Variants in NFIB observed in about 807,000 individuals in gnomAD.
NFIB encodes the protein nuclear factor 1 B-type.
In NFIB, 11 loss-of-function variants were observed where a neutral mutation model predicts 61.5. The ratio of observed to expected loss-of-function variants is 0.18; its 90% CI spans 0.11 to 0.30. NFIB has a LOEUF of 0.30. Among genes scored for constraint, NFIB ranks in the 10% least tolerant of loss-of-function variants. The probability of loss-of-function intolerance (pLI) is 1.00; values close to 1 mark genes in which losing one functional copy is unlikely to be tolerated. For missense variants in NFIB, 471 were observed against 608.9 expected (o/e 0.77, Z 2.38); for synonymous variants, 260 against 216.5 (o/e 1.20, Z -1.76).
At chr9:14,284,666 G>A (rs1464049549) in intron 2 of NFIB, among the ~76,000 whole-genome samples, 1 of 152,096 alleles carries the variant, frequency 6.6e-6, no homozygotes, top group African/African-American at 2.4e-5. Context: ...AGAGCCCAGA[G>A]TCCATTTACT....
the NFIB span, among the ~76,000 whole-genome samples, chr9:14,492,312 G>C: frequency 2.3e-3 from 353 of 151,978 alleles, no homozygotes; most frequent in African/African-American, 8.1e-3. Context: ...GCAGTGAGCC[G>C]AGATCACGCC....
chr9:14,485,522 T>C, the NFIB span, among the ~76,000 whole-genome samples: 3 of 152,218 alleles, frequency 2.0e-5, no homozygotes, highest in African/African-American at 7.2e-5. Context: ...TCAATAAACA[T>C]TATGAGTCTA....
the NFIB span, among the ~76,000 whole-genome samples, chr9:14,449,128 T>C: frequency 6.6e-6 from 1 of 152,242 alleles, no homozygotes; most frequent in Non-Finnish European, 1.5e-5. Flanking sequence ...GATATTTGTA[T>C]ATAATACTGT....
At chr9:14,320,986 CA>C (rs1459754783) in intron 1 of NFIB, among the ~76,000 whole-genome samples, 2 of 152,026 alleles carry the variant, frequency 1.3e-5, no homozygotes, top group Non-Finnish European at 2.9e-5. Context: ...GTCTCAAGTT[CA>C]GTGGCAGTTC....
At chr9:14,400,204 A>T (rs886716018), upstream of NFIB, among the ~76,000 whole-genome samples, 1 of 152,180 alleles carries the variant, frequency 6.6e-6, no homozygotes, top group Non-Finnish European at 1.5e-5. Context: ...AAATTACTTA[A>T]TCTTTAAACA....
chr9:14,189,770 C>G (rs536766881), intron 2 of NFIB, among the ~76,000 whole-genome samples: 6 of 149,802 alleles, frequency 4.0e-5, no homozygotes, highest in African/African-American at 1.5e-4. Context: ...CTGGCACATA[C>G]TAGATGCTCA....
At chr9:14,144,308 C>T (rs945076812) in intron 6 of NFIB, among the ~76,000 whole-genome samples, 2 of 152,132 alleles carry the variant, frequency 1.3e-5, no homozygotes, top group Admixed American at 1.3e-4. Flanking sequence ...TTCTGAATAA[C>T]GCATCCATTC....
upstream of NFIB, among the ~76,000 whole-genome samples, chr9:14,314,929 G>A (rs902720456): frequency 1.3e-5 from 2 of 151,822 alleles, no homozygotes; most frequent in African/African-American, 4.8e-5. Context: ...GGGAACATCC[G>A]AGTGGGAGAA....
At position 14,314,086 on chromosome 9, in the gene NFIB, G is replaced by C; in HGVS notation, c.-575C>G. On this transcript the variant is annotated 5_prime_UTR_variant, in exon 1 of 11. Coordinates refer to ENST00000380953, the MANE Select transcript of NFIB (RefSeq NM_001190737.2). ...GGATCCCGGAGTGGTGATCGCAGGCGAAACTTTGCCGCGAGCCGACCATGT... is the reference window on the plus strand; with the variant it reads ...GGATCCCGGAGTGGTGATCGCAGGCCAAACTTTGCCGCGAGCCGACCATGT... 1 of 1,048,604 alleles carries C rather than the reference G, an allele frequency of 9.5e-7. No individual in the cohort carries two copies. The highest frequency in any genetic ancestry group is 1.2e-6 in the Non-Finnish European group (1 of 869,350). 65.0% of individuals were successfully genotyped at this position (1,048,604 alleles called of 1,614,324 possible).
At chr9:14,315,740 C>G (rs550574970), upstream of NFIB, among the ~76,000 whole-genome samples, 1 of 151,852 alleles carries the variant, frequency 6.6e-6, no homozygotes, top group Admixed American at 6.6e-5. Context: ...CTGCACCCCC[C>G]GCCCACATAC....
intron 1 of NFIB, among the ~76,000 whole-genome samples, chr9:14,375,593 G>A (rs563215468): frequency 2.1e-3 from 319 of 152,226 alleles, no homozygotes; most frequent in African/African-American, 7.1e-3. Flanking sequence ...GGAAGGTGGA[G>A]GTTGCAGTGA....
At chr9:14,257,226 G>C (rs1191912868) in intron 2 of NFIB, among the ~76,000 whole-genome samples, 1 of 152,142 alleles carries the variant, frequency 6.6e-6, no homozygotes, top group Admixed American at 6.5e-5. Flanking sequence ...TATTAAATGA[G>C]ATACACATAT....
chr9:14,320,637 A>C (rs149130474), intron 1 of NFIB, among the ~76,000 whole-genome samples: 99 of 152,284 alleles, frequency 6.5e-4, no homozygotes, highest in African/African-American at 2.3e-3. Context: ...AATACACTGG[A>C]AAGTCACACT....
intron 10 of NFIB, among the ~76,000 whole-genome samples, chr9:14,091,544 C>G (rs537846096): frequency 1.3e-5 from 2 of 151,730 alleles, no homozygotes; most frequent in Non-Finnish European, 1.5e-5. Flanking sequence ...ATGTTCATTC[C>G]AACTATCTGC....
chr9:14,331,684 T>G (rs936199756), intron 1 of NFIB, among the ~76,000 whole-genome samples: 4 of 152,190 alleles, frequency 2.6e-5, no homozygotes, highest in African/African-American at 4.8e-5. Context: ...ATTGACTTTT[T>G]GGGTTCAAAT....
chr9:14,303,065 C>A (rs1239556806), intron 2 of NFIB, among the ~76,000 whole-genome samples: 1 of 152,132 alleles, frequency 6.6e-6, no homozygotes, highest in Non-Finnish European at 1.5e-5. Flanking sequence ...CAGACCTTAA[C>A]GCATAGGTCT....
chr9:14,246,843 G>C (rs1006132149), intron 2 of NFIB, among the ~76,000 whole-genome samples: 1 of 152,176 alleles, frequency 6.6e-6, no homozygotes, highest in Non-Finnish European at 1.5e-5. Context: ...CCAATCCCCA[G>C]TGTAACTGCA....
At chr9:14,106,659 T>C (rs2036603899) in intron 10 of NFIB, among the ~76,000 whole-genome samples, 1 of 152,152 alleles carries the variant, frequency 6.6e-6, no homozygotes, top group African/African-American at 2.4e-5. Context: ...ATCATTATCC[T>C]TTCCTAAACT....
At chr9:14,487,542 A>T in the NFIB span, among the ~76,000 whole-genome samples, 1 of 152,170 alleles carries the variant, frequency 6.6e-6, no homozygotes, top group African/African-American at 2.4e-5. Context: ...GTCTTCCCTG[A>T]CCCCACCCCC....
Sources: gnomAD v4.1 joint callset for allele counts (sites outside exome capture counted in the v4.1 genomes callset) on GRCh38, gnomAD v4.1.1 for gene constraint, MANE v1.5 for transcripts, NCBI Gene and HGNC (gene_info 2026-07-23, HGNC 2026-07-21) for gene names.